The following SEL1L variants were observed in gnomAD, a reference collection of about 807,000 sequenced individuals.
SEL1L encodes the protein protein sel-1 homolog 1.
A neutral mutation model predicts 109.8 loss-of-function variants in SEL1L; 52 were observed. The ratio of observed to expected loss-of-function variants is 0.47; its 90% CI spans 0.38 to 0.60. SEL1L has a LOEUF of 0.60. SEL1L is among the 20% of genes least tolerant of loss of function. The pLI is 0.00. For missense variants in SEL1L, 749 were observed against 962.2 expected, an observed-to-expected ratio of 0.78 and a Z score of 2.93; for synonymous variants, 373 against 339.6, an observed-to-expected ratio of 1.10 and a Z score of -1.08.
chr14:81,487,040 A>G (rs188142355), intron 16 of SEL1L, among the ~76,000 whole-genome samples: 7 of 151,138 alleles, frequency 4.6e-5, no homozygotes, highest in African/African-American at 9.7e-5. Flanking sequence ...CCTGGGCTCA[A>G]GCCTTCATCC....
Position 81,485,735 on chromosome 14 carries a change from T to C in SEL1L, c.1810A>G (p.Ile604Val), listed in dbSNP as rs1284444490. The change falls in exon 18 of 21, where the codon ATT becomes GTT. Residue 604 changes from isoleucine to valine, a missense_variant. By Grantham distance (29) the Ile-to-Val change is conservative. Around this residue, in one of 2 missense-constraint regions of SEL1L, gnomAD observed 383 missense variants for 562.5 expected, o/e 0.68. Coordinates refer to ENST00000336735, the MANE Select transcript of SEL1L (RefSeq NM_005065.6). ...AFILDQREASIVGENETYPRA... is the reference protein window; with the variant it reads ...AFILDQREASVVGENETYPRA... ...GGATAAGTTTCATTCTCACCTACAA[T>C]GCTTGCTTCTCCTACAGGAAAAGAA... 2 of 1,613,944 alleles carry C rather than the reference T, an allele frequency of 1.2e-6. No individual in the cohort carries two copies. The highest frequency in any genetic ancestry group is 1.7e-6 in the Non-Finnish European group (2 of 1,179,864).
intron 13 of SEL1L, among the ~76,000 whole-genome samples, chr14:81,489,854 A>G (rs1883473322): frequency 6.6e-6 from 1 of 152,210 alleles, no homozygotes; most frequent in Admixed American, 6.5e-5. Context: ...CTAAACTCAG[A>G]GGGACAGAAG....
In SEL1L at chr14:81,491,822, G is replaced by T. The variant is rs541670811; in HGVS notation, c.1254+658C>A. Among the ~76,000 whole-genome samples, 6 of 152,242 alleles carry T rather than the reference G, an allele frequency of 3.9e-5. No individual in the cohort carries two copies. The East Asian group carries it at 1.2e-3, about 29-fold the overall frequency. Reference sequence around the variant, plus strand: ...GGTGGGTCATGGCTATCACATTTAAGACAATTAAAAACTCTGCAGATAAAT... The same window carrying T: ...GGTGGGTCATGGCTATCACATTTAATACAATTAAAAACTCTGCAGATAAAT... On this transcript the variant is annotated intron_variant, in intron 12 of 20. Transcript: ENST00000336735.
At chr14:81,511,836 T>C (rs964382690) in intron 3 of SEL1L, among the ~76,000 whole-genome samples, 1 of 152,242 alleles carries the variant, frequency 6.6e-6, no homozygotes, top group Non-Finnish European at 1.5e-5. Context: ...CCAATTACTC[T>C]ATTTTTCTTT....
At position 81,528,555 on chromosome 14, in the gene SEL1L, A is replaced by G. The variant is rs539517039; in HGVS notation, c.71-817T>C. 7.8e-4 allele frequency among the ~76,000 whole-genome samples: 119 copies of G among 152,258 alleles called. 2 individuals carry two copies. In the South Asian group the frequency reaches 0.012, roughly 15 times the overall value. The stretch of plus-strand genomic sequence containing the variant: ...TCCTGCTCTTACATAAACACATGCA[A>G]CAACTCAATGTTCAGATGGAAATGC... On this transcript the variant is annotated intron_variant, in intron 1 of 20. Transcript: ENST00000336735.
At position 81,487,988 on chromosome 14, in the gene SEL1L, A is replaced by G. The variant is rs562984685; in HGVS notation, c.1396-46T>C. 5 of 1,409,630 alleles carry G rather than the reference A, an allele frequency of 3.5e-6. 1 individual carries two copies. In the South Asian group the frequency reaches 6.0e-5, roughly 17 times the overall value. 87.3% of individuals were successfully genotyped at this position (1,409,630 alleles called of 1,614,324 possible). A position where few individuals can be genotyped will look rare whatever the true frequency, so the allele number is the denominator to read the frequency against. ...TGATGAGAAAGCTCAAAAGGCAGAC[A>G]TACTCAAAAGTTAAGAGATTTATTT... On this transcript the variant is annotated intron_variant, in intron 14 of 20. Transcript: ENST00000336735.
At chr14:81,519,969 T>C (rs919392727) in intron 3 of SEL1L, among the ~76,000 whole-genome samples, 3 of 152,174 alleles carry the variant, frequency 2.0e-5, no homozygotes, top group Non-Finnish European at 4.4e-5. Flanking sequence ...AAGGACTGCA[T>C]ACTTCATCTC....
At chr14:81,522,930 T>C (rs184406104) in intron 3 of SEL1L, among the ~76,000 whole-genome samples, 75 of 152,224 alleles carry the variant, frequency 4.9e-4, no homozygotes, top group Non-Finnish European at 5.9e-4. Flanking sequence ...CAACCACCCA[T>C]TTTTTCCAAA....
chr14:81,510,472 ATCTCTCTCTCTC>A (rs374089460), intron 3 of SEL1L, among the ~76,000 whole-genome samples: 51 of 118,924 alleles, frequency 4.3e-4, no homozygotes, highest in East Asian at 1.7e-3. Context: ...TAGAATGCTG[ATCTCTCTCTCTC>A]TCTCTCTCTC....
chr14:81,484,252 C>T lies in SEL1L; in HGVS notation c.2019G>A (p.Met673Ile), dbSNP rs764299897. Residue 673 changes from methionine (M) to isoleucine (I), a missense_variant, in exon 19 of 21, where the codon ATG (methionine) becomes ATA (isoleucine). Physicochemically the swap from Met to Ile is conservative, Grantham distance 10. This residue lies in a region of SEL1L where 383 missense variants were observed against 562.5 expected (regional missense o/e 0.68). Coordinates refer to ENST00000336735, the MANE Select transcript of SEL1L (RefSeq NM_005065.6). ...SAQAMFNLGY[M>I]HEKGLGIKQD... ...GTTTAATGCCCAGTCCTTTCTCATG[C>T]ATATATCCCAGATTAAACATAGCTT... 1 of 1,613,674 alleles carries T rather than the reference C, an allele frequency of 6.2e-7. No individual in the cohort carries two copies.
At chr14:81,507,424 T>TACCATAAGA (rs1884283603) in intron 3 of SEL1L, among the ~76,000 whole-genome samples, 1 of 151,764 alleles carries the variant, frequency 6.6e-6, no homozygotes, top group African/African-American at 2.4e-5. Flanking sequence ...TCTAGATGTG[T>TACCATAAGA]GGATAAGAGG....
chr14:81,483,849 G>A (rs1204827438), intron 19 of SEL1L, among the ~76,000 whole-genome samples: 1 of 152,118 alleles, frequency 6.6e-6, no homozygotes, highest in Non-Finnish European at 1.5e-5. Flanking sequence ...TTAGGCAAGT[G>A]TAAGAATCAG....
intron 6 of SEL1L, among the ~76,000 whole-genome samples, chr14:81,500,773 A>G (rs1177228881): frequency 6.6e-6 from 1 of 152,180 alleles, no homozygotes; most frequent in Non-Finnish European, 1.5e-5. Flanking sequence ...AAGGAGGAGC[A>G]AGGGGTCAAG....
At position 81,487,892 on chromosome 14, in the gene SEL1L, C is replaced by G; in HGVS notation, c.1446G>C (p.Trp482Cys). 1 of 1,613,886 alleles carries G rather than the reference C, an allele frequency of 6.2e-7. No homozygotes were observed. Among genetic ancestry groups the G allele is most frequent in the Non-Finnish European group, 8.5e-7 (1 of 1,179,928 alleles). Reference protein sequence around the residue: ...KYFQKAAEQGWVDGQLQLGSM... With the variant: ...KYFQKAAEQGCVDGQLQLGSM... ...AACCAAGCTGTAGCTGCCCATCCAC[C>G]CAGCCTTGTTCAGCAGCTTTCTGGA... The change falls in exon 15 of 21, where the codon TGG becomes TGC. Residue 482 changes from tryptophan (W) to cysteine (C), a missense_variant. This residue lies in a region of SEL1L where 383 missense variants were observed against 562.5 expected (regional missense o/e 0.68). Coordinates refer to ENST00000336735, the MANE Select transcript of SEL1L (RefSeq NM_005065.6).
chr14:81,529,972 T>C (rs940558268), intron 1 of SEL1L, among the ~76,000 whole-genome samples: 5 of 152,262 alleles, frequency 3.3e-5, no homozygotes, highest in Non-Finnish European at 5.9e-5. Flanking sequence ...GATTAAGTTA[T>C]GCGCTTCTCG....
chr14:81,533,544 G>A, intron 1 of SEL1L, 131 bp downstream of exon 1: 1 of 826,128 alleles, frequency 1.2e-6, no homozygotes, highest in Non-Finnish European at 1.9e-6. Context: ...GCCAAAGAGC[G>A]AGTGACAGCC....
At position 81,472,322 on chromosome 14, in the gene SEL1L, A is replaced by C. The variant is rs1484549450; in HGVS notation, c.*4650T>G. ...ACAATTTGAGATCTTGAGATCTGAC[A>C]TCTCAGTTGCCACAGTTTGCATCAT... On this transcript the variant is annotated 3_prime_UTR_variant, in exon 21 of 21. Coordinates refer to ENST00000336735, the MANE Select transcript of SEL1L (RefSeq NM_005065.6). 1 of 192,810 alleles carries C rather than the reference A, an allele frequency of 5.2e-6. No individual in the cohort carries two copies. The highest frequency in any genetic ancestry group is 8.0e-5 in the South Asian group (1 of 12,562). The allele number at this position is 192,810 out of a possible 1,614,324, so 11.9% of individuals were successfully genotyped here.
In SEL1L at chr14:81,487,397, G is replaced by A; in HGVS notation, c.1625C>T (p.Ala542Val). 1 of 1,583,356 alleles carries A rather than the reference G, an allele frequency of 6.3e-7. No homozygotes were observed. The highest frequency in any genetic ancestry group is 8.5e-7 in the Non-Finnish European group (1 of 1,172,324). Residue 542 changes from alanine (A) to valine (V), a missense_variant, in exon 16 of 21, where the codon GCA becomes GTA. Ala to Val is a moderately conservative substitution (Grantham distance 64, BLOSUM62 0). This residue lies in a region of SEL1L where 383 missense variants were observed against 562.5 expected (regional missense o/e 0.68). Transcript: ENST00000336735. ...GTGVMRSCHT[A>V]VELFKNVCER... The stretch of plus-strand genomic sequence containing the variant: ...TGGTAGGAAAGACCTTACCTCCACT[G>A]CAGTGTGACATGATCGCATCACGCC...
At chr14:81,492,195 G>A (rs569814023) in intron 12 of SEL1L, among the ~76,000 whole-genome samples, 1 of 152,078 alleles carries the variant, frequency 6.6e-6, no homozygotes, top group East Asian at 1.9e-4. Flanking sequence ...GTTTCACCGT[G>A]TTAGCCAGGA....
Sources: gnomAD v4.1 joint callset for allele counts (sites outside exome capture counted in the v4.1 genomes callset) on GRCh38, gnomAD v4.1.1 for gene constraint, gnomAD v4.1.1 regional missense constraint, MANE v1.5 for transcripts, NCBI Gene and HGNC (gene_info 2026-07-23, HGNC 2026-07-21) for gene names.